SLC4A9: variants seen among roughly 807,000 people sequenced by gnomAD.
SLC4A9 encodes anion exchange protein 4.
SLC4A9 carries 102 observed loss-of-function variants against 103.2 expected under a neutral mutation model. That is an observed-to-expected ratio of 0.99 (90% CI 0.84 to 1.17). The LOEUF (loss-of-function observed/expected upper bound fraction) is 1.17, where lower values mean the gene tolerates loss of function less well. Ranked by LOEUF, SLC4A9 falls within the 50% of genes most tolerant of loss-of-function variation. The pLI, the probability that SLC4A9 is intolerant of heterozygous loss-of-function variation, is 0.00. For synonymous variants in SLC4A9, 453 were observed against 483.6 expected, an observed-to-expected ratio of 0.94 and a Z score of 0.83; for missense variants, 1,091 against 1,193.7, an observed-to-expected ratio of 0.91 and a Z score of 1.27.
At chr5:140,372,569 C>A (rs1400673744) in intron 20 of SLC4A9, 172 bp downstream of exon 20, 2 of 1,440,924 alleles carry the variant, frequency 1.4e-6, no homozygotes, top group South Asian at 1.5e-5. Flanking sequence ...GGAAATCTTT[C>A]TTCATAGGAC....
intron 6 of SLC4A9, 105 bp from the exon 7 acceptor site, chr5:140,362,807 A>C: frequency 7.1e-7 from 1 of 1,413,306 alleles, no homozygotes; most frequent in Non-Finnish European, 1.0e-6. Context: ...TGTGTGAATG[A>C]CTTGTCTGCC....
chr5:140,371,532 A>G lies in SLC4A9; in HGVS notation c.2578A>G (p.Arg860Gly), dbSNP rs757318456. The G allele has an allele frequency of 6.2e-6, 10 of 1,614,012 alleles. No individual in the cohort carries two copies. In the East Asian group the frequency reaches 2.2e-4, roughly 36 times the overall value. Reference protein sequence around the residue: ...LLLLRHVPLTRVHLFTAIQLA... With the variant: ...LLLLRHVPLTGVHLFTAIQLA... ...ACTCTTGCGGCATGTGCCTCTGACC[A>G]GGGTCCACCTCTTCACAGCCATCCA... The change falls in exon 19 of 22, where the codon AGG becomes GGG. Residue 860 changes from arginine (R) to glycine (G), a missense_variant. Arg to Gly is a moderately radical substitution (Grantham distance 125, BLOSUM62 -2). Transcript: ENST00000506757.
In SLC4A9 at chr5:140,361,851, C is replaced by A. The variant is rs199656008; in HGVS notation, c.549C>A (p.Pro183=). 1 of 1,613,978 alleles carries A rather than the reference C, an allele frequency of 6.2e-7. No homozygotes were observed. The highest frequency in any genetic ancestry group is 1.1e-5 in the South Asian group (1 of 91,074). The part of the protein sequence containing the change: ...PRKASDNEEA[P]LREQCQNPLR... ...AGGCTTCTGACAATGAGGAAGCCCC[C>A]CTGAGGGAACAGGTTTGTGGCCCTT... The change falls in exon 4 of 22, where the codon CCC becomes CCA. Residue 183 remains proline, a synonymous_variant. Transcript: ENST00000506757.
chr5:140,371,361 C>T, intron 18 of SLC4A9, 90 bp from the exon 19 acceptor site: 4 of 1,526,336 alleles, frequency 2.6e-6, no homozygotes, highest in Admixed American at 1.7e-5. Context: ...TCTCTGCCTG[C>T]TCCCAGTGCT....
At chr5:140,360,751 C>T in intron 1 of SLC4A9, 61 bp from the exon 2 acceptor site, 1 of 1,608,626 alleles carries the variant, frequency 6.2e-7, no homozygotes, top group South Asian at 1.1e-5. Context: ...TCCTCTGCAT[C>T]TCTGCTCCTG....
At chr5:140,365,290 G>A (rs1450473523) in intron 11 of SLC4A9, among the ~76,000 whole-genome samples, 1 of 152,216 alleles carries the variant, frequency 6.6e-6, no homozygotes, top group African/African-American at 2.4e-5. Flanking sequence ...AGCATCTACT[G>A]TGGCCAGGTC....
intron 3 of SLC4A9, 36 bp downstream of exon 3, chr5:140,361,403 T>TGCCACACCAG: frequency 6.6e-7 from 1 of 1,512,382 alleles, no homozygotes; most frequent in Non-Finnish European, 9.0e-7. Context: ...ACCAAGACCC[T>TGCCACACCAG]GGTGTGGCAG....
At chr5:140,362,613 C>T in intron 6 of SLC4A9, 81 bp downstream of exon 6, 1 of 1,332,850 alleles carries the variant, frequency 7.5e-7, no homozygotes, top group Non-Finnish European at 1.1e-6. Flanking sequence ...CATGCATGGG[C>T]TCATGTGAGT....
chr5:140,363,032 C>T lies in SLC4A9; in HGVS notation c.928C>T (p.Pro310Ser), dbSNP rs372005697. 6.2e-6 allele frequency: 10 copies of T among 1,613,164 alleles called. No homozygotes were observed. The Admixed American group carries it at 1.5e-4, about 24-fold the overall frequency. The change falls in exon 7 of 22, where the codon CCC becomes TCC. Residue 310 changes from proline (P) to serine (S), a missense_variant. Physicochemically the swap from Pro to Ser is moderately conservative, Grantham distance 74 (BLOSUM62 -1). Coordinates refer to ENST00000506757, the MANE Select transcript of SLC4A9 (RefSeq NM_031467.3). This position sits in a 1 kb window ranked among gnomAD's most constrained non-coding sequence, Gnocchi z 4.5. Reference protein sequence around the residue: ...PGRWDPTARIPPPKCLPSQHK... With the variant: ...PGRWDPTARISPPKCLPSQHK... ...TCGGTGGGACCCAACAGCCCGGATTCCCCCGCCCAAATGTCTGCCATCTCA... is the reference window on the plus strand; with the variant it reads ...TCGGTGGGACCCAACAGCCCGGATTTCCCCGCCCAAATGTCTGCCATCTCA...
rs1286036876 is a variant in SLC4A9, at chr5:140,371,528, G to C, written c.2574G>C (p.Leu858=). The change falls in exon 19 of 22, where the codon CTG becomes CTC. Residue 858 remains leucine (L), a synonymous_variant. Coordinates refer to ENST00000506757, the MANE Select transcript of SLC4A9 (RefSeq NM_031467.3). The part of the protein sequence containing the change: ...PDLLLLRHVP[L]TRVHLFTAIQ... ...TGCTACTCTTGCGGCATGTGCCTCT[G>C]ACCAGGGTCCACCTCTTCACAGCCA... is the stretch of plus-strand genomic sequence containing the variant. 3.1e-6 allele frequency: 5 copies of C among 1,613,902 alleles called. No homozygotes were observed. The highest frequency in any genetic ancestry group is 1.3e-5 in the African/African-American group (1 of 74,932).
chr5:140,365,968 C>A lies in SLC4A9; in HGVS notation c.1845C>A (p.Phe615Leu). The A allele has an allele frequency of 6.2e-7, 1 of 1,614,072 alleles. No homozygotes were observed. Among genetic ancestry groups the A allele is most frequent in the African/African-American group, 1.3e-5 (1 of 75,064 alleles). The stretch of plus-strand genomic sequence containing the variant: ...CCCTTCTCCTCTTCCTTACTTCTTT[C>A]TTCTTTGCTATGGCCCTCAAGTGTG... ...FFSLLLFLTS[F>L]FFAMALKCVK... Residue 615 changes from phenylalanine to leucine, a missense_variant, in exon 13 of 22, where the codon TTC (phenylalanine) becomes TTA (leucine). Physicochemically the swap from Phe to Leu is conservative, Grantham distance 22 (BLOSUM62 0). Coordinates refer to ENST00000506757, the MANE Select transcript of SLC4A9 (RefSeq NM_031467.3).
chr5:140,361,318 G>A lies in SLC4A9; in HGVS notation c.456G>A (p.Leu152=), dbSNP rs1311359043. Reference sequence around the variant, plus strand: ...GAGGGCAGTTGCAGGCCTTGCTGCTGCAGAGACCCCAGCATTACAACCAGA... The same window carrying A: ...GAGGGCAGTTGCAGGCCTTGCTGCTACAGAGACCCCAGCATTACAACCAGA... ...ELRGQLQALL[L]QRPQHYNQTT... Residue 152 remains leucine (L), a synonymous_variant, in exon 3 of 22, where the codon CTG becomes CTA. Coordinates refer to ENST00000506757, the MANE Select transcript of SLC4A9 (RefSeq NM_031467.3). 6 of 1,568,684 alleles carry A rather than the reference G, an allele frequency of 3.8e-6. No homozygotes were observed. Among genetic ancestry groups the A allele is most frequent in the Admixed American group, 3.8e-5 (2 of 53,192 alleles).
At chr5:140,364,744 A>G in intron 11 of SLC4A9, 119 bp downstream of exon 11, 1 of 1,190,096 alleles carries the variant, frequency 8.4e-7, no homozygotes, top group Non-Finnish European at 1.2e-6. Context: ...TTACCCAATA[A>G]CTGGCAGTAC....
In SLC4A9 at chr5:140,364,582, G is replaced by T. The variant is rs772561519; in HGVS notation, c.1608G>T (p.Gly536=). The T allele has an allele frequency of 3.7e-6, 6 of 1,602,684 alleles. No individual in the cohort carries two copies. Among genetic ancestry groups the T allele is most frequent in the African/African-American group, 1.3e-5 (1 of 74,656 alleles). Reference sequence around the variant, plus strand: ...ATACCTATCCTATCCAGAAGCCTGGGTCCTCTGCCTACGGGTGCCTCTGCC... The same window carrying T: ...ATACCTATCCTATCCAGAAGCCTGGTTCCTCTGCCTACGGGTGCCTCTGCC... ...LTHTYPIQKP[G]SSAYGCLCQY... The change falls in exon 11 of 22, where the codon GGG becomes GGT. Residue 536 remains glycine (G), a synonymous_variant. Coordinates refer to ENST00000506757, the MANE Select transcript of SLC4A9 (RefSeq NM_031467.3).
rs1766901689 is a variant in SLC4A9 at position 140,360,474 on chromosome 5, G to A, written c.230+8G>A. 6.4e-7 allele frequency: 1 copy of A among 1,562,822 alleles called. No homozygotes were observed. Among genetic ancestry groups the A allele is most frequent in the Non-Finnish European group, 8.7e-7 (1 of 1,153,082 alleles). On this transcript the variant is annotated splice_region_variant and intron_variant, in intron 1 of 21. Coordinates refer to ENST00000506757, the MANE Select transcript of SLC4A9 (RefSeq NM_031467.3). ...GTGGAGAGAGACAGGCAGGTAAGTT[G>A]GATGCAGGCCAGTTCTGTGGGATCC...
intron 19 of SLC4A9, 123 bp from the exon 20 acceptor site, chr5:140,372,119 G>A: frequency 1.1e-6 from 1 of 877,104 alleles, no homozygotes; most frequent in Non-Finnish European, 1.7e-6. Flanking sequence ...ATAGGAATGT[G>A]CTAGCATTCA....
At chr5:140,362,411 C>T (rs1267289690) in intron 5 of SLC4A9, 34 bp from the exon 6 acceptor site, 1 of 1,599,980 alleles carries the variant, frequency 6.3e-7, no homozygotes, top group South Asian at 1.1e-5. Flanking sequence ...GGGAAAGCAG[C>T]CTGTGAATCT....
At chr5:140,361,430 T>C in intron 3 of SLC4A9, 63 bp downstream of exon 3, 2 of 1,349,526 alleles carry the variant, frequency 1.5e-6, no homozygotes, top group Non-Finnish European at 2.1e-6. Flanking sequence ...AGATCTCCCC[T>C]GCACCTTCCA....
intron 19 of SLC4A9, 137 bp downstream of exon 19, chr5:140,371,761 A>G: frequency 9.6e-7 from 1 of 1,038,384 alleles, no homozygotes. Context: ...GAATCCTAAG[A>G]CAAAGAAAAA....
Sources: gnomAD v4.1 joint callset for allele counts (sites outside exome capture counted in the v4.1 genomes callset) on GRCh38, gnomAD v4.1.1 for gene constraint, Gnocchi (gnomAD v3.1) non-coding constraint, MANE v1.5 for transcripts, NCBI Gene and HGNC (gene_info 2026-07-23, HGNC 2026-07-21) for gene names.